Variants in MED14 observed in about 807,000 individuals in gnomAD.
The protein encoded by MED14 is mediator complex subunit 14.
MED14 carries 8 observed loss-of-function variants against 109.0 expected under a neutral mutation model. The ratio of observed to expected loss-of-function variants is 0.07; its 90% CI spans 0.04 to 0.13. The LOEUF (loss-of-function observed/expected upper bound fraction) is 0.13. Among genes scored for constraint, MED14 ranks in the 10% least tolerant of loss-of-function variants. The probability of loss-of-function intolerance (pLI) is 1.00; values close to 1 mark genes in which losing one functional copy is unlikely to be tolerated. For missense variants in MED14, 711 were observed against 1,142.4 expected (o/e 0.62, Z 5.44); for synonymous variants, 399 against 408.7 (o/e 0.98, Z 0.29).
chrX:40,725,797 C>T (rs921323934), intron 3 of MED14, among the ~76,000 whole-genome samples: 4 of 111,507 alleles, frequency 3.6e-5, no homozygotes, highest in Non-Finnish European at 7.5e-5. Flanking sequence ...ATTTTCACCA[C>T]TATTATTCAA....
chrX:40,692,597 C>T, intron 14 of MED14, 111 bp downstream of exon 14: 1 of 738,926 alleles, frequency 1.4e-6, no homozygotes, highest in Non-Finnish European at 2.0e-6. Flanking sequence ...CTTATTGCTG[C>T]CTCGTCTCTT....
At position 40,710,045 on chromosome X, in the gene MED14, A is replaced by G; in HGVS notation, c.1107T>C (p.Pro369=). Residue 369 remains proline, a synonymous_variant, in exon 9 of 31, where the codon CCT becomes CCC. Coordinates refer to ENST00000324817, the MANE Select transcript of MED14 (RefSeq NM_004229.4). ...IKIDENDVSK[P]LQIFHDPPLP... ...AAGGAGGATCGTGAAAAATCTGTAA[A>G]GGCTTGGAGACATCATTCTCATCAA... is the stretch of plus-strand genomic sequence containing the variant. 3 of 1,174,176 alleles carry G rather than the reference A, an allele frequency of 2.6e-6. No individual in the cohort carries two copies. The highest frequency in any genetic ancestry group is 3.4e-6 in the Non-Finnish European group (3 of 869,794).
chrX:40,657,672 G>A (rs1929103984), intron 28 of MED14, among the ~76,000 whole-genome samples: 1 of 112,057 alleles, frequency 8.9e-6, no homozygotes, highest in Non-Finnish European at 1.9e-5. Flanking sequence ...GAGCTATGCA[G>A]AAACTAAGGG....
At position 40,714,514 on chromosome X, in the gene MED14, A is replaced by G. The variant is rs200951692; in HGVS notation, c.522+23T>C. On this transcript the variant is annotated intron_variant, in intron 4 of 30. Coordinates refer to ENST00000324817, the MANE Select transcript of MED14 (RefSeq NM_004229.4). ...GCCAAAACCTTTAGTTTTTAGGAAC[A>G]TGGGGGCAAGCAAAGAACTTACCCT... 563 of 1,203,786 alleles carry G rather than the reference A, an allele frequency of 4.7e-4. 1 individual carries two copies. In the African/African-American group the frequency reaches 8.6e-3, roughly 18 times the overall value.
At chrX:40,710,955 C>T (rs1931317445) in intron 8 of MED14, among the ~76,000 whole-genome samples, 2 of 111,674 alleles carry the variant, frequency 1.8e-5, no homozygotes, top group South Asian at 7.6e-4. Context: ...GTCAGTCCTG[C>T]GGTCAGCCAG....
Position 40,675,227 on chromosome X carries a change from C to T in MED14, c.3015G>A (p.Gln1005=), listed in dbSNP as rs1449128186. Residue 1005 remains glutamine (Q), a synonymous_variant, in exon 22 of 31, where the codon CAG becomes CAA. Coordinates refer to ENST00000324817, the MANE Select transcript of MED14 (RefSeq NM_004229.4). ...AATTCTGGCTAGATATTACCTGTTG[C>T]TGGGGTGGTGGCTGGAGCTGCGATA... ...SLISQLQPPP[Q]QQPFPKQPGT... is the part of the protein sequence containing the mutation. The T allele has an allele frequency of 8.5e-7, 1 of 1,182,644 alleles. No individual in the cohort carries two copies. Among genetic ancestry groups the T allele is most frequent in the Non-Finnish European group, 1.1e-6 (1 of 883,489 alleles).
intron 21 of MED14, 109 bp downstream of exon 21, chrX:40,679,755 C>T: frequency 1.3e-6 from 1 of 754,839 alleles, no homozygotes; most frequent in South Asian, 2.7e-5. Context: ...CTGCTACTTA[C>T]TAAATTTAAA....
At chrX:40,680,228 T>C (rs971524097) in intron 20 of MED14, 95 bp from the exon 21 acceptor site, 1 of 915,386 alleles carries the variant, frequency 1.1e-6, no homozygotes, top group Non-Finnish European at 1.5e-6. Flanking sequence ...TGAAACAACG[T>C]CCTTCTGGCA....
chrX:40,677,902 T>C (rs904780234), intron 21 of MED14, among the ~76,000 whole-genome samples: 3 of 112,081 alleles, frequency 2.7e-5, no homozygotes, highest in Admixed American at 9.4e-5. Context: ...ATAGTCACAA[T>C]GGAAGCCAGG....
At chrX:40,726,605 T>TTATCATTCTGCAGAATG in intron 3 of MED14, 141 bp downstream of exon 3, 1 of 469,786 alleles carries the variant, frequency 2.1e-6, no homozygotes, top group Non-Finnish European at 3.5e-6. Context: ...TCTGCAGAAA[T>TTATCATTCTGCAGAATG]ATACATTATC....
chrX:40,697,576 G>A (rs1302854874), intron 12 of MED14, among the ~76,000 whole-genome samples: 1 of 111,901 alleles, frequency 8.9e-6, no homozygotes, highest in Admixed American at 9.5e-5. Context: ...TACCTAGCGG[G>A]TCCCAGTAGT....
chrX:40,661,222 C>T (rs776571068), intron 26 of MED14, among the ~76,000 whole-genome samples: 16 of 112,762 alleles, frequency 1.4e-4, no homozygotes, highest in Non-Finnish European at 2.2e-4. Context: ...GCTGGGATTA[C>T]AGGCGTGCAC....
chrX:40,698,724 C>T (rs963844969), intron 12 of MED14, among the ~76,000 whole-genome samples: 1 of 111,914 alleles, frequency 8.9e-6, no homozygotes, highest in Non-Finnish European at 1.9e-5. Flanking sequence ...GATACTTCTT[C>T]ATACTCATTA....
rs1351432816 is a variant in MED14, at chrX:40,735,314, C to T, written c.99G>A (p.Pro33=). The T allele has an allele frequency of 1.8e-6, 2 of 1,121,778 alleles. No individual in the cohort carries two copies. The highest frequency in any genetic ancestry group is 3.8e-5 in the East Asian group (1 of 26,654). 92.4% of individuals were successfully genotyped at this position (1,121,778 alleles called of 1,213,427 possible). A position where few individuals can be genotyped will look rare whatever the true frequency, so the allele number is the denominator to read the frequency against. ...GPPSAPAPPP[P]GAAVAAAAAA... ...CAGCGGCCGCCGCCACGGCGGCTCC[C>T]GGGGGAGGAGGGGCTGGGGCTGACG... Residue 33 remains proline, a synonymous_variant, in exon 1 of 31, where the codon CCG becomes CCA. Transcript: ENST00000324817.
intron 11 of MED14, among the ~76,000 whole-genome samples, chrX:40,701,484 G>A (rs1358648468): frequency 2.7e-5 from 3 of 111,647 alleles, no homozygotes; most frequent in African/African-American, 9.8e-5. Flanking sequence ...ATGTACACTG[G>A]CAGAAAGAAC....
Position 40,709,350 on chromosome X carries a change from T to C in MED14, c.1283A>G (p.Asn428Ser), listed in dbSNP as rs1931254542. The C allele has an allele frequency of 9.8e-7, 1 of 1,022,254 alleles. No individual in the cohort carries two copies. Among genetic ancestry groups the C allele is most frequent in the East Asian group, 3.3e-5 (1 of 30,291 alleles). The allele number at this position is 1,022,254 out of a possible 1,213,427, so 84.2% of individuals were successfully genotyped here. A position where few individuals can be genotyped will look rare whatever the true frequency, so the allele number is the denominator to read the frequency against. ...AATGTCAATTTAAAAGAACCTACAG[T>C]TTTCATTGGCATTGAAGCCTCTAAG... ...AILRGFNANE[N>S]SSIETALPAL... The change falls in exon 10 of 31, where the codon AAC becomes AGC. Residue 428 changes from asparagine to serine, a missense_variant and splice_region_variant. Around this residue, in one of 8 missense-constraint regions of MED14, gnomAD observed 388 missense variants for 517.3 expected, o/e 0.75. Coordinates refer to ENST00000324817, the MANE Select transcript of MED14 (RefSeq NM_004229.4).
chrX:40,651,877 C>T lies in MED14; in HGVS notation c.4294G>A (p.Glu1432Lys). The T allele has an allele frequency of 8.4e-7, 1 of 1,194,359 alleles. No individual in the cohort carries two copies. The highest frequency in any genetic ancestry group is 1.1e-6 in the Non-Finnish European group (1 of 887,530). Residue 1432 changes from glutamate to lysine, a missense_variant and splice_region_variant, in exon 31 of 31, where the codon GAA (glutamate) becomes AAA (lysine). Physicochemically the swap from Glu to Lys is moderately conservative, Grantham distance 56 (BLOSUM62 1). Coordinates refer to ENST00000324817, the MANE Select transcript of MED14 (RefSeq NM_004229.4). ...FAEMNPPRQG[E>K]CTIFAAVRDL... ...CGAACAGCTGCAAATATTGTGCATTCACCTGCAACAGAGAAAAATGGTCAT... is the reference window on the plus strand; with the variant it reads ...CGAACAGCTGCAAATATTGTGCATTTACCTGCAACAGAGAAAAATGGTCAT...
intron 14 of MED14, 50 bp from the exon 15 acceptor site, chrX:40,692,367 C>T (rs374473497): frequency 5.5e-5 from 46 of 834,290 alleles, no homozygotes; most frequent in Non-Finnish European, 7.5e-5. Context: ...AAAAAAAGTA[C>T]ATGTGATGCA....
intron 22 of MED14, among the ~76,000 whole-genome samples, chrX:40,674,415 T>C (rs1929843770): frequency 8.9e-6 from 1 of 112,228 alleles, no homozygotes; most frequent in Non-Finnish European, 1.9e-5. Context: ...AGCTAAGCAA[T>C]AAAATAAGCT....
Sources: gnomAD v4.1 joint callset for allele counts (sites outside exome capture counted in the v4.1 genomes callset) on GRCh38, gnomAD v4.1.1 for gene constraint, gnomAD v4.1.1 regional missense constraint, MANE v1.5 for transcripts, NCBI Gene and HGNC (gene_info 2026-07-23, HGNC 2026-07-21) for gene names.